GK: variants seen among roughly 807,000 people sequenced by gnomAD.
GK encodes glycerol kinase.
GK carries 9 observed loss-of-function variants against 56.4 expected under a neutral mutation model. That is an observed-to-expected ratio of 0.16 (90% CI 0.10 to 0.28). The LOEUF is 0.28. Ranked by LOEUF, GK falls within the 10% of genes least tolerant of loss-of-function variation. GK has a pLI of 1.00. For missense variants in GK, 161 were observed against 431.4 expected, an observed-to-expected ratio of 0.37 and a Z score of 5.55; for synonymous variants, 104 against 144.1, an observed-to-expected ratio of 0.72 and a Z score of 1.99.
chrX:30,714,876 C>T (rs1003673489), intron 13 of GK, among the ~76,000 whole-genome samples: 2 of 111,814 alleles, frequency 1.8e-5, no homozygotes, highest in African/African-American at 6.5e-5. Flanking sequence ...ATTTTAGTTC[C>T]CCAACTTGTT....
intron 13 of GK, among the ~76,000 whole-genome samples, chrX:30,718,003 C>A (rs1008015015): frequency 9.0e-6 from 1 of 111,588 alleles, no homozygotes; most frequent in Non-Finnish European, 1.9e-5. Flanking sequence ...AACTGGGACT[C>A]AAAGCCAGTT....
chrX:30,704,128 T>TATATATATATATATATATATATATATATA (rs1935848542), intron 11 of GK, among the ~76,000 whole-genome samples: 2 of 74,936 alleles, frequency 2.7e-5, no homozygotes, highest in African/African-American at 1.4e-4. Flanking sequence ...GTTATTCATT[T>TATATATATATATATATATATATATATATA]TATATATATA....
intron 18 of GK, chrX:30,721,944 T>C (rs1936928607): frequency 8.9e-6 from 1 of 112,556 alleles, no homozygotes; most frequent in Admixed American, 9.4e-5. Flanking sequence ...TAGAAACCTA[T>C]GCATAAAATA....
intron 3 of GK, among the ~76,000 whole-genome samples, chrX:30,673,197 G>T (rs1281886866): frequency 8.9e-6 from 1 of 112,108 alleles, no homozygotes. Context: ...AAGAGAATAT[G>T]TGGGTAAAGT....
intron 12 of GK, 72 bp from the exon 13 acceptor site, chrX:30,707,982 A>G: frequency 1.6e-6 from 1 of 619,433 alleles, no homozygotes; most frequent in East Asian, 3.4e-5. Context: ...TGTTATTTTA[A>G]CTTTAAAAAA....
intron 6 of GK, 92 bp from the exon 7 acceptor site, chrX:30,695,950 C>T: frequency 1.8e-6 from 1 of 545,754 alleles, no homozygotes; most frequent in Non-Finnish European, 3.3e-6. Flanking sequence ...CGTTCTTTTG[C>T]TTTATGTGCT....
At position 30,706,088 on chromosome X, in the gene GK, G is replaced by T. The variant is rs371884350; in HGVS notation, c.852-1468G>T. Among the ~76,000 whole-genome samples the T allele has an allele frequency of 5.2e-4, 58 of 111,880 alleles. No homozygotes were observed. In the South Asian group the frequency reaches 0.021, roughly 41 times the overall value. On this transcript the variant is annotated intron_variant, in intron 11 of 20. Transcript: ENST00000427190. ...AACGGTATAGTGATTTTGTGTTTTAGTTTGTAAATGTATTACCTGTACCTA... is the reference window on the plus strand; with the variant it reads ...AACGGTATAGTGATTTTGTGTTTTATTTTGTAAATGTATTACCTGTACCTA...
In GK at chrX:30,718,638, G is replaced by T. The variant is rs2035431; in HGVS notation, c.1054+22G>T. The T allele has an allele frequency of 0.068, 65,737 of 972,785 alleles. 1,793 individuals carry two copies. Among genetic ancestry groups the T allele is most frequent in the Non-Finnish European group, 0.081 (55,344 of 679,264 alleles). 80.2% of individuals were successfully genotyped at this position (972,785 alleles called of 1,213,427 possible). Reference sequence around the variant, plus strand: ...ATTGGTGAGTGTGTTCTAACAAAAGGTTAGAAAATCTGAAAAATGACACAT... The same window carrying T: ...ATTGGTGAGTGTGTTCTAACAAAAGTTTAGAAAATCTGAAAAATGACACAT... On this transcript the variant is annotated intron_variant, in intron 14 of 20. Coordinates refer to ENST00000427190, the MANE Select transcript of GK (RefSeq NM_001205019.2).
Position 30,696,696 on chromosome X carries a change from C to G in GK, c.729+13C>G. ...CTATGGCCTAATGGTAAAAAACAAA[C>G]AAACAAACAAAAAACACACCAAAAA... On this transcript the variant is annotated intron_variant, in intron 8 of 20. Coordinates refer to ENST00000427190, the MANE Select transcript of GK (RefSeq NM_001205019.2). 1 of 1,145,241 alleles carries G rather than the reference C, an allele frequency of 8.7e-7. No individual in the cohort carries two copies. Among genetic ancestry groups the G allele is most frequent in the African/African-American group, 1.8e-5 (1 of 56,174 alleles). The allele number at this position is 1,145,241 out of a possible 1,213,427, so 94.4% of individuals were successfully genotyped here.
At chrX:30,660,187 T>A (rs746332905) in intron 1 of GK, among the ~76,000 whole-genome samples, 2 of 106,600 alleles carry the variant, frequency 1.9e-5, no homozygotes, top group Non-Finnish European at 3.9e-5. Flanking sequence ...TACTATCACT[T>A]ATAGGTAATA....
Position 30,720,969 on chromosome X carries a change from G to A in GK, c.1475G>A (p.Arg492Gln), listed in dbSNP as rs747731781. 5.3e-5 allele frequency: 64 copies of A among 1,210,421 alleles called. No homozygotes were observed. The highest frequency in any genetic ancestry group is 6.9e-5 in the Non-Finnish European group (62 of 894,290). Reference sequence around the variant, plus strand: ...GATTTGTCTGCCGTCACGATGGAGCGGTTTGAACCTCAGATTAATGCGGAG... The same window carrying A: ...GATTTGTCTGCCGTCACGATGGAGCAGTTTGAACCTCAGATTAATGCGGAG... ...PEDLSAVTME[R>Q]FEPQINAEES... is the part of the protein sequence containing the mutation. The change falls in exon 18 of 21, where the codon CGG becomes CAG. Residue 492 changes from arginine to glutamine, a missense_variant. Transcript: ENST00000427190.
chrX:30,726,949 TG>T (rs1347156688), intron 19 of GK, among the ~76,000 whole-genome samples: 1 of 112,412 alleles, frequency 8.9e-6, no homozygotes, highest in Non-Finnish European at 1.9e-5. Flanking sequence ...GTGTTTAAAA[TG>T]TATTGTCAGG....
At chrX:30,683,378 A>G (rs1253327985) in intron 4 of GK, among the ~76,000 whole-genome samples, 2 of 110,981 alleles carry the variant, frequency 1.8e-5, no homozygotes, top group African/African-American at 6.6e-5. Context: ...TTTATTACAA[A>G]CAAGCATATG....
chrX:30,680,429 C>T (rs748311940), intron 4 of GK, among the ~76,000 whole-genome samples: 9 of 111,669 alleles, frequency 8.1e-5, no homozygotes, highest in Non-Finnish European at 1.5e-4. Context: ...TTTGGGTAGA[C>T]AGGGGTTGGT....
At chrX:30,710,402 C>T (rs763121820) in intron 13 of GK, among the ~76,000 whole-genome samples, 3 of 111,520 alleles carry the variant, frequency 2.7e-5, no homozygotes, top group East Asian at 2.8e-4. Flanking sequence ...AATATGTTAA[C>T]GGTGTAGTTA....
intron 3 of GK, among the ~76,000 whole-genome samples, chrX:30,676,992 T>C (rs1186103897): frequency 8.9e-6 from 1 of 111,820 alleles, no homozygotes; most frequent in Non-Finnish European, 1.9e-5. Context: ...GGAAAATTTC[T>C]TGTAGCAATT....
At chrX:30,680,601 A>T (rs4487947) in intron 4 of GK, among the ~76,000 whole-genome samples, 31,422 of 111,229 alleles carry the variant, frequency 0.28, 3,556 homozygotes, top group Middle Eastern at 0.45. Flanking sequence ...GAAAAGCTGG[A>T]TGAAAATGAA....
intron 4 of GK, among the ~76,000 whole-genome samples, chrX:30,682,852 A>G (rs1461013618): frequency 9.0e-6 from 1 of 111,708 alleles, no homozygotes; most frequent in Non-Finnish European, 1.9e-5. Context: ...GTGTCTAGTG[A>G]GGACCTTCTT....
At position 30,723,837 on chromosome X, in the gene GK, C is replaced by T. The variant is rs1601955668; in HGVS notation, c.1502-264C>T. The T allele has an allele frequency of 1.7e-5, 6 of 352,798 alleles. No homozygotes were observed. In the East Asian group the frequency reaches 3.2e-4, roughly 19 times the overall value. The allele number at this position is 352,798 out of a possible 1,213,427, so 29.1% of individuals were successfully genotyped here. On this transcript the variant is annotated intron_variant, in intron 18 of 20. Transcript: ENST00000427190. ...CAAGCCATCCTCCCTCCTCACCCTC[C>T]CAAAATGCTGGGATTACAGGCATGA...
Sources: gnomAD v4.1 joint callset for allele counts (sites outside exome capture counted in the v4.1 genomes callset) on GRCh38, gnomAD v4.1.1 for gene constraint, MANE v1.5 for transcripts, NCBI Gene and HGNC (gene_info 2026-07-23, HGNC 2026-07-21) for gene names.